Variants in LRP1B observed in about 807,000 individuals in gnomAD.
LRP1B encodes LDL receptor related protein 1B, also known as low-density lipoprotein receptor-related protein 1B.
In LRP1B, 217 loss-of-function variants were observed where a neutral mutation model predicts 556.6. The observed-to-expected ratio is 0.39, with a 90% confidence interval of 0.35 to 0.44. The LOEUF (loss-of-function observed/expected upper bound fraction) is 0.44. Ranked by LOEUF, LRP1B falls within the 20% of genes least tolerant of loss-of-function variation. The pLI, the probability that LRP1B is intolerant of heterozygous loss-of-function variation, is 1.00. For synonymous variants in LRP1B, 2,047 were observed against 1,865.8 expected, an observed-to-expected ratio of 1.10 and a Z score of -2.50; for missense variants, 5,053 against 5,620.8, an observed-to-expected ratio of 0.90 and a Z score of 3.23.
At chr2:141,590,052 T>A (rs574585854) in intron 2 of LRP1B, among the ~76,000 whole-genome samples, 39 of 152,292 alleles carry the variant, frequency 2.6e-4, no homozygotes, top group Non-Finnish European at 4.6e-4. Context: ...CAATGGGTTG[T>A]ACTGGAGGCT....
rs552139448 is a variant in LRP1B, at chr2:140,540,076, A to G, written c.7513+897T>C. 1.6e-4 allele frequency among the ~76,000 whole-genome samples: 24 copies of G among 152,226 alleles called. No homozygotes were observed. In the South Asian group the frequency reaches 3.3e-3, roughly 21 times the overall value. On this transcript the variant is annotated intron_variant, in intron 45 of 90. Coordinates refer to ENST00000389484, the MANE Select transcript of LRP1B (RefSeq NM_018557.3). The stretch of plus-strand genomic sequence containing the variant: ...AGCAGGTAAGAGATAAAATCCTTCC[A>G]GTGGAAAGAGAGTAAAAATCGACTG...
At chr2:140,251,094 T>A (rs1048617506) in intron 86 of LRP1B, among the ~76,000 whole-genome samples, 28 of 151,804 alleles carry the variant, frequency 1.8e-4, no homozygotes, top group African/African-American at 6.8e-4. Context: ...ATAGCTATAA[T>A]GTTTTGTTTC....
At chr2:141,693,776 C>G (rs1240203982) in intron 2 of LRP1B, among the ~76,000 whole-genome samples, 1 of 151,894 alleles carries the variant, frequency 6.6e-6, no homozygotes, top group African/African-American at 2.4e-5. Context: ...CTTCTCAGTC[C>G]CCTTGGGGTT....
At chr2:141,031,030 A>C (rs930928879) in intron 11 of LRP1B, among the ~76,000 whole-genome samples, 1 of 151,916 alleles carries the variant, frequency 6.6e-6, no homozygotes, top group Non-Finnish European at 1.5e-5. Context: ...ATGAGCAAAA[A>C]CCACAAACCT....
chr2:142,085,845 T>C (rs1705898352), intron 1 of LRP1B, among the ~76,000 whole-genome samples: 1 of 152,212 alleles, frequency 6.6e-6, no homozygotes, highest in Non-Finnish European at 1.5e-5. Context: ...TGAATTGTGA[T>C]TGAACGCTTA....
chr2:141,069,967 C>T, intron 7 of LRP1B, among the ~76,000 whole-genome samples: 1 of 130,388 alleles, frequency 7.7e-6, no homozygotes, highest in East Asian at 2.5e-4. Context: ...CCCCACCCCA[C>T]AACAGTCCCC....
At chr2:140,463,789 C>T (rs1687420435) in intron 60 of LRP1B, among the ~76,000 whole-genome samples, 1 of 152,120 alleles carries the variant, frequency 6.6e-6, no homozygotes, top group Non-Finnish European at 1.5e-5. Context: ...TATATGCTAA[C>T]TTTTGAAGAG....
At chr2:140,788,597 A>T (rs1487341475) in intron 32 of LRP1B, among the ~76,000 whole-genome samples, 3 of 152,226 alleles carry the variant, frequency 2.0e-5, no homozygotes, top group Non-Finnish European at 4.4e-5. Flanking sequence ...AACAACCGAC[A>T]TTAAGAATGT....
intron 3 of LRP1B, among the ~76,000 whole-genome samples, chr2:141,471,268 A>ATGTTTTTTTTTTT (rs1553518973): frequency 1.2e-3 from 37 of 31,882 alleles, no homozygotes; most frequent in East Asian, 3.9e-3. Flanking sequence ...ATACCCTGGT[A>ATGTTTTTTTTTTT]TTTTTTTTTT....
intron 3 of LRP1B, among the ~76,000 whole-genome samples, chr2:141,274,879 C>A (rs1158162996): frequency 6.6e-6 from 1 of 152,128 alleles, no homozygotes; most frequent in Non-Finnish European, 1.5e-5. Flanking sequence ...GTCAAACTAT[C>A]AGTTAAGAGA....
chr2:140,924,523 A>G lies in LRP1B; in HGVS notation c.3137-1376T>C, dbSNP rs112637603. On this transcript the variant is annotated intron_variant, in intron 20 of 90. Coordinates refer to ENST00000389484, the MANE Select transcript of LRP1B (RefSeq NM_018557.3). ...ACATCCTAAATATTGCTTGTGCAGT[A>G]ATGCTGAACTAATAAATAACCAAGG... Among the ~76,000 whole-genome samples, 453 of 152,174 alleles carry G rather than the reference A, an allele frequency of 3.0e-3. 3 individuals carry two copies. The highest frequency in any genetic ancestry group is 9.6e-3 in the African/African-American group (400 of 41,550).
chr2:140,773,500 G>A (rs554130970), intron 33 of LRP1B, among the ~76,000 whole-genome samples: 3 of 151,834 alleles, frequency 2.0e-5, no homozygotes, highest in Admixed American at 6.6e-5. Context: ...GAGAATGTGA[G>A]GGGTTACATA....
chr2:141,988,540 T>C (rs1230923837), intron 1 of LRP1B, among the ~76,000 whole-genome samples: 1 of 152,046 alleles, frequency 6.6e-6, no homozygotes, highest in Non-Finnish European at 1.5e-5. Flanking sequence ...ATTTAAAATA[T>C]GTATGTAATT....
intron 1 of LRP1B, among the ~76,000 whole-genome samples, chr2:141,875,083 CAT>C (rs954711779): frequency 1.3e-5 from 2 of 151,464 alleles, no homozygotes; most frequent in Non-Finnish European, 2.9e-5. Flanking sequence ...TTTTATATAT[CAT>C]ATATATTGTG....
chr2:140,574,123 T>C (rs1681429944), intron 43 of LRP1B, among the ~76,000 whole-genome samples: 1 of 152,130 alleles, frequency 6.6e-6, no homozygotes, highest in Non-Finnish European at 1.5e-5. Flanking sequence ...TTTCCTGTAA[T>C]TGGTTTAATT....
At chr2:142,051,726 C>T (rs147262159) in intron 1 of LRP1B, among the ~76,000 whole-genome samples, 6,610 of 152,148 alleles carry the variant, frequency 0.043, 230 homozygotes, top group Non-Finnish European at 0.058. Flanking sequence ...CCATCCCCCT[C>T]GGCCTCCCAA....
At chr2:141,194,655 A>C (rs942575826) in intron 6 of LRP1B, among the ~76,000 whole-genome samples, 2 of 152,142 alleles carry the variant, frequency 1.3e-5, no homozygotes, top group Non-Finnish European at 2.9e-5. Context: ...TGATGACACC[A>C]CAGCAAAGAA....
chr2:140,351,053 A>G lies in LRP1B; in HGVS notation c.11651-15T>C, dbSNP rs1224258499. ...ATCTTCAGAGCCTGGAGATTATTATAATAAAATACAAAAATAAAGTAAATT... is the reference window on the plus strand; with the variant it reads ...ATCTTCAGAGCCTGGAGATTATTATGATAAAATACAAAAATAAAGTAAATT... On this transcript the variant is annotated splice_polypyrimidine_tract_variant and intron_variant, in intron 76 of 90. Coordinates refer to ENST00000389484, the MANE Select transcript of LRP1B (RefSeq NM_018557.3). The G allele has an allele frequency of 6.7e-7, 1 of 1,489,544 alleles. No individual in the cohort carries two copies. Among genetic ancestry groups the G allele is most frequent in the Non-Finnish European group, 9.1e-7 (1 of 1,099,696 alleles). 92.3% of individuals were successfully genotyped at this position (1,489,544 alleles called of 1,614,324 possible). A position where few individuals can be genotyped will look rare whatever the true frequency, so the allele number is the denominator to read the frequency against.
intron 86 of LRP1B, among the ~76,000 whole-genome samples, chr2:140,261,693 G>T (rs1266879096): frequency 6.6e-6 from 1 of 151,550 alleles, no homozygotes; most frequent in Non-Finnish European, 1.5e-5. Flanking sequence ...AAATTAACAT[G>T]CAATGCTGTT....
Sources: allele counts gnomAD v4.1 joint callset (sites outside exome capture counted in the v4.1 genomes callset), GRCh38; gene constraint gnomAD v4.1.1; transcripts MANE v1.5; gene names NCBI Gene and HGNC (gene_info 2026-07-23, HGNC 2026-07-21).